The following POLQ variants were observed in gnomAD, a reference collection of about 807,000 sequenced individuals.
POLQ encodes DNA polymerase theta.
Under a neutral mutation model 259.2 loss-of-function variants are expected in POLQ, and 233 were observed. The ratio of observed to expected loss-of-function variants is 0.90; its 90% CI spans 0.81 to 1.00. The LOEUF is 1.00. POLQ is among the 50% of genes least tolerant of loss of function. The pLI is 0.00. For synonymous variants in POLQ, 1,025 were observed against 1,048.8 expected, an observed-to-expected ratio of 0.98 and a Z score of 0.44; for missense variants, 2,871 against 3,051.6, an observed-to-expected ratio of 0.94 and a Z score of 1.39.
rs1456631513 is a variant in POLQ, at chr3:121,432,992, T to C, written c.7585A>G (p.Ile2529Val). The change falls in exon 29 of 30, where the codon ATC (isoleucine) becomes GTC (valine). Residue 2529 changes from isoleucine to valine, a missense_variant. By Grantham distance (29) the Ile-to-Val change is conservative. Transcript: ENST00000264233. The part of the protein sequence containing the change: ...KRKLQGMFCP[I>V]RGGFFILQLH... ...TGAAGGATGAAGAAGCCTCCTCTGA[T>C]TGGGCAGAACATCCCTTGCAGTTTT... is the stretch of plus-strand genomic sequence containing the variant. 4 of 1,612,512 alleles carry C rather than the reference T, an allele frequency of 2.5e-6. No homozygotes were observed. The highest frequency in any genetic ancestry group is 3.4e-6 in the Non-Finnish European group (4 of 1,178,680).
At chr3:121,461,455 A>G (rs549258012) in intron 24 of POLQ, among the ~76,000 whole-genome samples, 9 of 152,220 alleles carry the variant, frequency 5.9e-5, no homozygotes, top group African/African-American at 2.2e-4. Context: ...GATCGAGACC[A>G]TCCTGGCCAA....
intron 12 of POLQ, among the ~76,000 whole-genome samples, chr3:121,503,983 G>A (rs2048191421): frequency 6.6e-6 from 1 of 152,156 alleles, no homozygotes; most frequent in African/African-American, 2.4e-5. Context: ...CTCCTGAGTA[G>A]CTGGGATTAC....
intron 26 of POLQ, 125 bp downstream of exon 26, chr3:121,449,190 C>T (rs985715341): frequency 1.3e-5 from 8 of 592,652 alleles, no homozygotes; most frequent in African/African-American, 1.1e-4. Flanking sequence ...CTTATTTACC[C>T]TTAACAATGC....
chr3:121,511,354 C>A (rs529042664), intron 10 of POLQ, among the ~76,000 whole-genome samples: 31 of 150,880 alleles, frequency 2.1e-4, no homozygotes, highest in African/African-American at 7.0e-4. Flanking sequence ...GCTGAGATTG[C>A]ACCACTGCAC....
At position 121,473,199 on chromosome 3, in the gene POLQ, G is replaced by T. The variant is rs2047899346; in HGVS notation, c.6543+151C>A. On this transcript the variant is annotated intron_variant, in intron 21 of 29. Transcript: ENST00000264233. ...TGGAATATCTCCACAGAATTTGTGG[G>T]CTACCAAACCACAAACCAATGTGTT... The T allele has an allele frequency of 7.3e-6, 5 of 688,258 alleles. No individual in the cohort carries two copies. In the East Asian group the frequency reaches 1.4e-4, roughly 19 times the overall value. 42.6% of individuals were successfully genotyped at this position (688,258 alleles called of 1,614,324 possible). A position where few individuals can be genotyped will look rare whatever the true frequency, so the allele number is the denominator to read the frequency against.
intron 9 of POLQ, among the ~76,000 whole-genome samples, chr3:121,517,814 A>G (rs2048308862): frequency 6.6e-6 from 1 of 152,242 alleles, no homozygotes; most frequent in Non-Finnish European, 1.5e-5. Flanking sequence ...CACTACAGCC[A>G]TCATATAAGG....
At chr3:121,512,857 GATAAA>G (rs964520502) in intron 9 of POLQ, among the ~76,000 whole-genome samples, 3 of 152,114 alleles carry the variant, frequency 2.0e-5, no homozygotes, top group Non-Finnish European at 4.4e-5. Flanking sequence ...CCAGTTATAT[GATAAA>G]ATAAATTCAA....
At chr3:121,452,248 G>A (rs1435150106) in intron 25 of POLQ, among the ~76,000 whole-genome samples, 1 of 152,138 alleles carries the variant, frequency 6.6e-6, no homozygotes, top group African/African-American at 2.4e-5. Flanking sequence ...GTGAGGTGAT[G>A]CCTCGCCCTG....
intron 25 of POLQ, among the ~76,000 whole-genome samples, chr3:121,450,062 AT>A (rs1218280348): frequency 6.6e-6 from 1 of 152,034 alleles, no homozygotes; most frequent in Admixed American, 6.6e-5. Context: ...CAAAGCCTAG[AT>A]CTATCATTCA....
At chr3:121,472,488 T>C (rs771443858) in intron 21 of POLQ, among the ~76,000 whole-genome samples, 2 of 152,192 alleles carry the variant, frequency 1.3e-5, no homozygotes, top group Middle Eastern at 3.2e-3. Context: ...TTTATGCATT[T>C]TCCTCCTTCG....
chr3:121,545,803 A>G lies in POLQ; in HGVS notation c.75T>C (p.Gly25=). 2 of 1,612,672 alleles carry G rather than the reference A, an allele frequency of 1.2e-6. No homozygotes were observed. Among genetic ancestry groups the G allele is most frequent in the Non-Finnish European group, 1.7e-6 (2 of 1,179,588 alleles). ...SGSDSFSGSG[G]DSSASPQFLS... ...GGAACTGGGGGCTGGCACTGCTGTC[A>G]CCGCCGCTTCCCGAGAACGAATCTG... Residue 25 remains glycine, a synonymous_variant, in exon 1 of 30, where the codon GGT becomes GGC. Coordinates refer to ENST00000264233, the MANE Select transcript of POLQ (RefSeq NM_199420.4).
At chr3:121,456,496 C>T (rs1169998984) in intron 25 of POLQ, among the ~76,000 whole-genome samples, 1 of 152,164 alleles carries the variant, frequency 6.6e-6, no homozygotes, top group Admixed American at 6.5e-5. Flanking sequence ...ATTGTCTCAG[C>T]CCAAAATCTC....
chr3:121,521,388 T>TAC (rs1454196478), intron 8 of POLQ, among the ~76,000 whole-genome samples: 5 of 152,134 alleles, frequency 3.3e-5, no homozygotes, highest in Non-Finnish European at 4.4e-5. Flanking sequence ...ACCATATATA[T>TAC]ACCCCCTCAC....
intron 28 of POLQ, 131 bp from the exon 29 acceptor site, chr3:121,433,164 G>A (rs2047515121): frequency 6.3e-6 from 4 of 635,928 alleles, no homozygotes; most frequent in African/African-American, 1.8e-5. Context: ...GAACTATCAG[G>A]AAAATAACTA....
chr3:121,525,271 G>A (rs1039752568), intron 7 of POLQ, among the ~76,000 whole-genome samples: 4 of 151,936 alleles, frequency 2.6e-5, no homozygotes, highest in Non-Finnish European at 4.4e-5. Context: ...AACCTGGGAG[G>A]CGGAGCTTGC....
chr3:121,538,322 T>G (rs2048465000), intron 4 of POLQ, among the ~76,000 whole-genome samples: 1 of 152,188 alleles, frequency 6.6e-6, no homozygotes, highest in Non-Finnish European at 1.5e-5. Context: ...ATACTTGGAA[T>G]AATTCTTAAG....
intron 25 of POLQ, among the ~76,000 whole-genome samples, chr3:121,456,501 A>G (rs2047738764): frequency 6.6e-6 from 1 of 152,192 alleles, no homozygotes; most frequent in Admixed American, 6.5e-5. Context: ...CTCAGCCCAA[A>G]ATCTCCTTAA....
At chr3:121,475,947 G>GA (rs993908528) in intron 20 of POLQ, among the ~76,000 whole-genome samples, 9 of 141,794 alleles carry the variant, frequency 6.3e-5, no homozygotes, top group East Asian at 2.0e-4. Context: ...ATACCAAAAA[G>GA]AAAAAAAAAA....
chr3:121,503,723 T>C, intron 12 of POLQ, among the ~76,000 whole-genome samples: 1 of 152,214 alleles, frequency 6.6e-6, no homozygotes, highest in South Asian at 2.1e-4. Flanking sequence ...ATATAACCTA[T>C]GCACATCCTG....
Sources: gnomAD v4.1 joint callset for allele counts (sites outside exome capture counted in the v4.1 genomes callset) on GRCh38, gnomAD v4.1.1 for gene constraint, MANE v1.5 for transcripts, NCBI Gene and HGNC (gene_info 2026-07-23, HGNC 2026-07-21) for gene names.